SEC24A: variants seen among roughly 807,000 people sequenced by gnomAD.
SEC24A encodes SEC24 homolog A, COPII component, also known as protein transport protein Sec24A.
In SEC24A, 93 loss-of-function variants were observed where a neutral mutation model predicts 129.4. The observed-to-expected ratio is 0.72, with a 90% CI of 0.61 to 0.85. The LOEUF (loss-of-function observed/expected upper bound fraction) is 0.85, where lower values mean the gene tolerates loss of function less well. SEC24A is among the 40% of genes least tolerant of loss of function. The pLI is 0.00. For missense variants in SEC24A, 1,264 were observed against 1,307.4 expected, an observed-to-expected ratio of 0.97 and a Z score of 0.51; for synonymous variants, 460 against 467.3, an observed-to-expected ratio of 0.98 and a Z score of 0.20.
chr5:134,663,240 C>G (rs1258063963), intron 2 of SEC24A, among the ~76,000 whole-genome samples: 1 of 151,932 alleles, frequency 6.6e-6, no homozygotes, highest in Non-Finnish European at 1.5e-5. Context: ...ATCTTTTGTT[C>G]TTTATTTTTT....
intron 2 of SEC24A, among the ~76,000 whole-genome samples, chr5:134,663,956 CA>C (rs1430354064): frequency 6.6e-6 from 1 of 151,982 alleles, no homozygotes; most frequent in Admixed American, 6.6e-5. Context: ...ACTAAAAATA[CA>C]AAAATTAGCC....
intron 3 of SEC24A, among the ~76,000 whole-genome samples, chr5:134,668,392 C>T (rs1380161173): frequency 1.3e-5 from 2 of 152,094 alleles, no homozygotes; most frequent in African/African-American, 2.4e-5. Flanking sequence ...AGTTTGAGAC[C>T]AGCCTGACCA....
At chr5:134,653,530 C>A (rs1284185380) in intron 1 of SEC24A, among the ~76,000 whole-genome samples, 2 of 152,108 alleles carry the variant, frequency 1.3e-5, no homozygotes, top group Non-Finnish European at 2.9e-5. Context: ...GGATTACAGG[C>A]ATGAGCCACA....
Position 134,697,880 on chromosome 5 carries a change from A to T in SEC24A, c.2108-19A>T, listed in dbSNP as rs925611653. 1 of 1,602,638 alleles carries T rather than the reference A, an allele frequency of 6.2e-7. No homozygotes were observed. Among genetic ancestry groups the T allele is most frequent in the South Asian group, 1.1e-5 (1 of 88,934 alleles). On this transcript the variant is annotated intron_variant, in intron 14 of 22. Transcript: ENST00000398844. ...AATAGTTAACGGCACAGTTTAAAACAGTGTGTGTTCTCTTCCAGGTTGTAT... is the reference window on the plus strand; with the variant it reads ...AATAGTTAACGGCACAGTTTAAAACTGTGTGTGTTCTCTTCCAGGTTGTAT...
chr5:134,701,253 A>G (rs1426806929), intron 15 of SEC24A: 1 of 152,262 alleles, frequency 6.6e-6, no homozygotes, highest in Non-Finnish European at 1.5e-5. Context: ...TTCTAATTTT[A>G]GTATACATGC....
rs979512542 is a variant in SEC24A at position 134,727,299 on chromosome 5, A to G, written c.*2205A>G. ...TCCTTGAATTTTCTACAGATCTACA[A>G]CTACTAATGTAACAGACAAGGGCAA... is the stretch of plus-strand genomic sequence containing the variant. On this transcript the variant is annotated 3_prime_UTR_variant, in exon 23 of 23. Transcript: ENST00000398844. 6.6e-6 allele frequency: 1 copy of G among 152,368 alleles called. No homozygotes were observed. Among genetic ancestry groups the G allele is most frequent in the Non-Finnish European group, 1.5e-5 (1 of 67,964 alleles). 9.4% of individuals were successfully genotyped at this position (152,368 alleles called of 1,614,324 possible).
chr5:134,692,736 T>C, intron 12 of SEC24A, 79 bp downstream of exon 12: 1 of 915,566 alleles, frequency 1.1e-6, no homozygotes. Context: ...TTAAGTAAAA[T>C]TTTGATTATT....
chr5:134,673,458 TG>T (rs1750946476), intron 4 of SEC24A, among the ~76,000 whole-genome samples: 2 of 151,756 alleles, frequency 1.3e-5, no homozygotes, highest in Non-Finnish European at 2.9e-5. Flanking sequence ...TTGTTGTTTT[TG>T]TTTTTGTTTT....
At chr5:134,716,513 T>C (rs904071327) in intron 19 of SEC24A, among the ~76,000 whole-genome samples, 3 of 149,214 alleles carry the variant, frequency 2.0e-5, no homozygotes, top group African/African-American at 4.9e-5. Context: ...GAATTTAATA[T>C]GTGGGCCAGG....
chr5:134,682,801 G>A (rs111805682), intron 9 of SEC24A, among the ~76,000 whole-genome samples: 105 of 152,178 alleles, frequency 6.9e-4, no homozygotes, highest in African/African-American at 2.3e-3. Flanking sequence ...TCCTGGGCTC[G>A]AGTGATCTGC....
chr5:134,714,553 A>G lies in SEC24A; in HGVS notation c.2728-471A>G, dbSNP rs184834280. Among the ~76,000 whole-genome samples, 89 of 152,300 alleles carry G rather than the reference A, an allele frequency of 5.8e-4. 1 individual carries two copies. Among genetic ancestry groups the G allele is most frequent in the African/African-American group, 2.0e-3 (84 of 41,576 alleles). The stretch of plus-strand genomic sequence containing the variant: ...TTTCATCCCAAAATCATCCTCCACC[A>G]TGTCCCCACCAGTCTGTGGAAAAAT... On this transcript the variant is annotated intron_variant, in intron 18 of 22. Coordinates refer to ENST00000398844, the MANE Select transcript of SEC24A (RefSeq NM_021982.3).
Position 134,679,693 on chromosome 5 carries a change from G to A in SEC24A, c.1346G>A (p.Arg449Lys). ...TTCGTCAGCTTTCTTGATCAAAGGA[G>A]ATGGAAGTGTAACTTATGTTATCGA... is the stretch of plus-strand genomic sequence containing the variant. ...NPFVSFLDQR[R>K]WKCNLCYRVN... The change falls in exon 8 of 23, where the codon AGA (arginine) becomes AAA (lysine). Residue 449 changes from arginine to lysine, a missense_variant. Transcript: ENST00000398844. The A allele has an allele frequency of 6.3e-7, 1 of 1,598,054 alleles. No individual in the cohort carries two copies. The highest frequency in any genetic ancestry group is 8.6e-7 in the Non-Finnish European group (1 of 1,169,420).
intron 12 of SEC24A, chr5:134,693,152 C>G: frequency 6.5e-7 from 1 of 1,535,086 alleles, no homozygotes; most frequent in Non-Finnish European, 8.7e-7. Context: ...CCTGTACATG[C>G]ATATATGCCG....
Position 134,697,724 on chromosome 5 carries a change from C to T in SEC24A, c.2108-175C>T, listed in dbSNP as rs573711827. Reference sequence around the variant, plus strand: ...TGAGCCCCATGGTATCACTACTGCACTCCAGCCTGGGTGACAGAATGGGAC... The same window carrying T: ...TGAGCCCCATGGTATCACTACTGCATTCCAGCCTGGGTGACAGAATGGGAC... On this transcript the variant is annotated intron_variant, in intron 14 of 22. Transcript: ENST00000398844. Among the ~76,000 whole-genome samples the T allele has an allele frequency of 2.6e-5, 4 of 152,246 alleles. No homozygotes were observed. In the South Asian group the frequency reaches 8.3e-4, roughly 32 times the overall value.
At position 134,652,657 on chromosome 5, in the gene SEC24A, A is replaced by T. The variant is rs1750099801; in HGVS notation, c.97+3484A>T. 3.3e-5 allele frequency among the ~76,000 whole-genome samples: 5 copies of T among 151,306 alleles called. No homozygotes were observed. In the South Asian group the frequency reaches 1.0e-3, roughly 32 times the overall value. ...GGCTGGAGTGCAGTGGTGCGATCTC[A>T]GCTCACTGCAACCTCCACCTCCCAG... On this transcript the variant is annotated intron_variant, in intron 1 of 22. Transcript: ENST00000398844.
rs1415168733 is a variant in SEC24A, at chr5:134,680,598, G to A, written c.1381+870G>A. ...TCTGCCCACCTCAGGCTCCCAAAGT[G>A]CTGGGATTAACAGGCATGAGCCACT... On this transcript the variant is annotated intron_variant, in intron 8 of 22. Coordinates refer to ENST00000398844, the MANE Select transcript of SEC24A (RefSeq NM_021982.3). Among the ~76,000 whole-genome samples the A allele has an allele frequency of 2.6e-5, 4 of 152,104 alleles. No homozygotes were observed. The East Asian group carries it at 7.8e-4, about 29-fold the overall frequency.
intron 18 of SEC24A, among the ~76,000 whole-genome samples, chr5:134,714,312 C>T (rs893860408): frequency 3.3e-5 from 5 of 152,230 alleles, no homozygotes; most frequent in African/African-American, 7.2e-5. Flanking sequence ...AGCCACATAC[C>T]GGTACCAGTG....
chr5:134,688,551 CT>C lies in SEC24A; in HGVS notation c.1723+259del, dbSNP rs199887979. On this transcript the variant is annotated intron_variant, in intron 11 of 22. Transcript: ENST00000398844. ...TGTTAGAACTCAGATCAAATTTAGG[CT>C]TTTTTTCCCCCTTCTTCCCATTTAT... Among the ~76,000 whole-genome samples the C allele has an allele frequency of 5.4e-3, 820 of 152,132 alleles. 6 individuals are homozygous for C. The highest frequency in any genetic ancestry group is 8.3e-3 in the Non-Finnish European group (562 of 68,006).
intron 13 of SEC24A, among the ~76,000 whole-genome samples, chr5:134,695,944 CAAA>C (rs34026685): frequency 3.7e-4 from 25 of 67,730 alleles, no homozygotes; most frequent in African/African-American, 9.3e-4. Flanking sequence ...GACTCTGTCT[CAAA>C]AAAAAAAAAA....
Sources: allele counts gnomAD v4.1 joint callset (sites outside exome capture counted in the v4.1 genomes callset), GRCh38; gene constraint gnomAD v4.1.1; transcripts MANE v1.5; gene names NCBI Gene and HGNC (gene_info 2026-07-23, HGNC 2026-07-21).